Variants in CCDC88B observed in about 807,000 individuals in gnomAD.
CCDC88B encodes coiled-coil and HOOK domain protein 88B.
Under a neutral mutation model 183.7 loss-of-function variants are expected in CCDC88B, and 138 were observed. The ratio of observed to expected loss-of-function variants is 0.75; its 90% CI spans 0.65 to 0.87. The LOEUF (loss-of-function observed/expected upper bound fraction) is 0.87. Ranked by LOEUF, CCDC88B falls within the 40% of genes least tolerant of loss-of-function variation. The pLI is 0.00. For synonymous variants in CCDC88B, 835 were observed against 867.5 expected (o/e 0.96, Z 0.66); for missense variants, 1,822 against 1,965.6 (o/e 0.93, Z 1.38).
Position 64,340,213 on chromosome 11 carries a change from T to G in CCDC88B, c.-54T>G. On this transcript the variant is annotated 5_prime_UTR_variant, in exon 1 of 27. Coordinates refer to ENST00000356786, the MANE Select transcript of CCDC88B (RefSeq NM_032251.6). ...GGATCCCCCACTCGGGGACTTCCTC[T>G]TCCTCTCAGGGCAGGTGCAGCTGCC... The G allele has an allele frequency of 8.6e-7, 1 of 1,166,686 alleles. No homozygotes were observed. The highest frequency in any genetic ancestry group is 1.1e-6 in the Non-Finnish European group (1 of 906,420). 72.3% of individuals were successfully genotyped at this position (1,166,686 alleles called of 1,614,324 possible). A position where few individuals can be genotyped will look rare whatever the true frequency, so the allele number is the denominator to read the frequency against.
intron 14 of CCDC88B, among the ~76,000 whole-genome samples, chr11:64,347,877 C>T (rs2036173394): frequency 6.6e-6 from 1 of 151,970 alleles, no homozygotes; most frequent in Admixed American, 6.6e-5. Flanking sequence ...ATGGCAAAAC[C>T]CCAACTCTAC....
At chr11:64,355,770 C>T (rs1252658323) in intron 26 of CCDC88B, 142 bp downstream of exon 26, 28 of 730,908 alleles carry the variant, frequency 3.8e-5, no homozygotes, top group Admixed American at 1.7e-4. Flanking sequence ...CAGCAGGGAA[C>T]GTTCTGGTGT....
chr11:64,350,711 A>C (rs1199047), intron 16 of CCDC88B: 57,516 of 151,930 alleles, frequency 0.38, 10,939 homozygotes, highest in South Asian at 0.44. Flanking sequence ...AACAAAAAAA[A>C]CCCTAAAAAT....
chr11:64,342,423 C>T, intron 9 of CCDC88B, 48 bp downstream of exon 9: 1 of 1,548,702 alleles, frequency 6.5e-7, no homozygotes, highest in Non-Finnish European at 8.7e-7. Flanking sequence ...AACCTCCCCG[C>T]ACCCGGTCCC....
rs570051229 is a variant in CCDC88B, at chr11:64,355,217, C to T, written c.4123C>T (p.Arg1375Cys). Reference sequence around the variant, plus strand: ...AGGGTCCCCTTCCCCGGCACCCATGCGCCGGGCCCAGAGCTCCCTCTGCCT... The same window carrying T: ...AGGGTCCCCTTCCCCGGCACCCATGTGCCGGGCCCAGAGCTCCCTCTGCCT... ...GTGSPSPAPMRRAQSSLCLRD... is the reference protein window; with the variant it reads ...GTGSPSPAPMCRAQSSLCLRD... The change falls in exon 25 of 27, where the codon CGC becomes TGC. Residue 1375 changes from arginine to cysteine, a missense_variant. By Grantham distance (180) the Arg-to-Cys change is radical (BLOSUM62 -3). Coordinates refer to ENST00000356786, the MANE Select transcript of CCDC88B (RefSeq NM_032251.6). 2.0e-6 allele frequency: 3 copies of T among 1,503,382 alleles called. No homozygotes were observed. The highest frequency in any genetic ancestry group is 1.4e-5 in the South Asian group (1 of 72,488). 93.1% of individuals were successfully genotyped at this position (1,503,382 alleles called of 1,614,324 possible).
Position 64,343,865 on chromosome 11 carries a change from G to A in CCDC88B, c.1406G>A (p.Arg469Gln), listed in dbSNP as rs149881528. The stretch of plus-strand genomic sequence containing the variant: ...CTTCGGACCCTTGAGAGGGAGAACC[G>A]GGAGCTTCGGGGGCTGCTTCAGGTG... ...GRLRTLERENRELRGLLQVLQ... is the reference protein window; with the variant it reads ...GRLRTLERENQELRGLLQVLQ... Residue 469 changes from arginine (R) to glutamine (Q), a missense_variant, in exon 13 of 27, where the codon CGG becomes CAG. Transcript: ENST00000356786. The A allele has an allele frequency of 2.9e-4, 466 of 1,604,938 alleles. 3 individuals are homozygous for A. The East Asian group carries it at 4.6e-3, about 16-fold the overall frequency.
In CCDC88B at chr11:64,353,411, C is replaced by G. The variant is rs868833677; in HGVS notation, c.3748C>G (p.Gln1250Glu). 3 of 1,613,338 alleles carry G rather than the reference C, an allele frequency of 1.9e-6. No individual in the cohort carries two copies. Among genetic ancestry groups the G allele is most frequent in the Non-Finnish European group, 2.5e-6 (3 of 1,179,988 alleles). ...EENRQLLAEV[Q>E]ALSRENRELL... The stretch of plus-strand genomic sequence containing the variant: ...GAACCGGCAGCTGCTGGCTGAAGTT[C>G]AGGCCCTGAGCCGGGAGAACAGGGA... Residue 1250 changes from glutamine (Q) to glutamate (E), a missense_variant, in exon 22 of 27, where the codon CAG becomes GAG. Gln to Glu is a conservative substitution (Grantham distance 29). Transcript: ENST00000356786.
chr11:64,345,113 G>A lies in CCDC88B; in HGVS notation c.2572G>A (p.Glu858Lys), dbSNP rs776811587. ...VLESEGRQHLEEAERERREKE... is the reference protein window; with the variant it reads ...VLESEGRQHLKEAERERREKE... ...GGAGAGCGAGGGCCGCCAGCACTTG[G>A]AGGAGGCTGAGAGGGAGCGCCGGGA... Residue 858 changes from glutamate to lysine, a missense_variant, in exon 14 of 27, where the codon GAG (glutamate) becomes AAG (lysine). Glu to Lys is a moderately conservative substitution (Grantham distance 56). Transcript: ENST00000356786. The A allele has an allele frequency of 1.3e-6, 2 of 1,550,618 alleles. No homozygotes were observed. The highest frequency in any genetic ancestry group is 1.7e-6 in the Non-Finnish European group (2 of 1,152,122).
At chr11:64,352,662 CG>C in intron 19 of CCDC88B, 81 bp from the exon 20 acceptor site, 6 of 1,581,536 alleles carry the variant, frequency 3.8e-6, no homozygotes, top group Non-Finnish European at 5.2e-6. Context: ...CAGACCCCCC[CG>C]CCCCGGGTCC....
At position 64,340,262 on chromosome 11, in the gene CCDC88B, C is replaced by T. The variant is rs754392341; in HGVS notation, c.-5C>T. ...CCACAGTGAGACGGGCACCCCGACC[C>T]GGGCATGGAGGGGGGCAAGGGGCCC... On this transcript the variant is annotated 5_prime_UTR_variant, in exon 1 of 27. Transcript: ENST00000356786. The T allele has an allele frequency of 6.3e-6, 8 of 1,268,134 alleles. No homozygotes were observed. The highest frequency in any genetic ancestry group is 7.9e-5 in the Admixed American group (2 of 25,296). The allele number at this position is 1,268,134 out of a possible 1,614,324, so 78.6% of individuals were successfully genotyped here. A position where few individuals can be genotyped will look rare whatever the true frequency, so the allele number is the denominator to read the frequency against.
rs1227943182 is a variant in CCDC88B at position 64,344,821 on chromosome 11, G to A, written c.2280G>A (p.Thr760=). ...CCCGCAAGCTGGAGGCCCAAAACAC[G>A]GAGGCTGCCCGCCTCTCCAAGGAGC... ...AQARKLEAQN[T]EAARLSKELA... The change falls in exon 14 of 27, where the codon ACG becomes ACA. Residue 760 remains threonine (T), a synonymous_variant. Transcript: ENST00000356786. This position sits in a 1 kb window ranked among gnomAD's most constrained non-coding sequence, Gnocchi z 4.5. 2.5e-6 allele frequency: 4 copies of A among 1,607,824 alleles called. No individual in the cohort carries two copies. The highest frequency in any genetic ancestry group is 2.2e-5 in the East Asian group (1 of 44,622).
chr11:64,353,035 G>T lies in CCDC88B; in HGVS notation c.3501-19G>T. ...GGGGACCCAGGTCCCTTGGAGAGCAGCTCTCCTTGCCTCCCAAGGGCTCAG... is the reference window on the plus strand; with the variant it reads ...GGGGACCCAGGTCCCTTGGAGAGCATCTCTCCTTGCCTCCCAAGGGCTCAG... On this transcript the variant is annotated intron_variant, in intron 20 of 26. Transcript: ENST00000356786. The T allele has an allele frequency of 6.4e-7, 1 of 1,570,634 alleles. No homozygotes were observed. Among genetic ancestry groups the T allele is most frequent in the Non-Finnish European group, 8.6e-7 (1 of 1,157,390 alleles).
At chr11:64,342,741 G>A in intron 10 of CCDC88B, 61 bp downstream of exon 10, 1 of 1,434,082 alleles carries the variant, frequency 7.0e-7, no homozygotes, top group Non-Finnish European at 9.1e-7. Flanking sequence ...AGGAGGAGGG[G>A]CGAGATTGGG....
In CCDC88B at chr11:64,343,629, C is replaced by A; in HGVS notation, c.1318+14C>A. The A allele has an allele frequency of 6.5e-7, 1 of 1,550,226 alleles. No homozygotes were observed. The highest frequency in any genetic ancestry group is 8.7e-7 in the Non-Finnish European group (1 of 1,146,162). The stretch of plus-strand genomic sequence containing the variant: ...CCCCTGGGGAGGGTGAGGGACCCCA[C>A]TGGAAGGGCTGGGGTGGGGGCTTCC... On this transcript the variant is annotated intron_variant, in intron 12 of 26. Coordinates refer to ENST00000356786, the MANE Select transcript of CCDC88B (RefSeq NM_032251.6).
Position 64,344,987 on chromosome 11 carries a change from G to A in CCDC88B, c.2446G>A (p.Glu816Lys). The A allele has an allele frequency of 1.3e-6, 2 of 1,548,132 alleles. No individual in the cohort carries two copies. Among genetic ancestry groups the A allele is most frequent in the Non-Finnish European group, 1.7e-6 (2 of 1,148,080 alleles). Residue 816 changes from glutamate to lysine, a missense_variant, in exon 14 of 27, where the codon GAG becomes AAG. Coordinates refer to ENST00000356786, the MANE Select transcript of CCDC88B (RefSeq NM_032251.6). The surrounding 1 kb of genome is among the most constrained non-coding windows in gnomAD (Gnocchi z 4.5). ...GTCCCAGGAACGGGAGGCGCTGGTG[G>A]AGGCGCTGGCAGCAGCGGGCCGGGA... The part of the protein sequence containing the change: ...SASQEREALV[E>K]ALAAAGRERR...
At chr11:64,343,108 A>G in intron 10 of CCDC88B, 71 bp from the exon 11 acceptor site, 1 of 1,445,172 alleles carries the variant, frequency 6.9e-7, no homozygotes, top group Non-Finnish European at 9.1e-7. Context: ...GAGGGGAAGG[A>G]GTTTGGGACC....
Position 64,344,282 on chromosome 11 carries a change from TCTCCTGTGGAGACA to T in CCDC88B, c.1743_1756del (p.Pro582GlyfsTer9). On this transcript the variant is annotated frameshift_variant, in exon 14 of 27. Coordinates refer to ENST00000356786, the MANE Select transcript of CCDC88B (RefSeq NM_032251.6). LOFTEE classifies it high-confidence loss of function. This position sits in a 1 kb window ranked among gnomAD's most constrained non-coding sequence, Gnocchi z 4.5. ...AGACTGGTCCCCGCAAGAGTCAGGC[TCTCCTGTGGAGACA>T]CAGGAGTCCCCGGAGAAGGCTGGCC... The T allele has an allele frequency of 6.2e-7, 1 of 1,613,536 alleles. No homozygotes were observed. Among genetic ancestry groups the T allele is most frequent in the Non-Finnish European group, 8.5e-7 (1 of 1,179,924 alleles).
At chr11:64,355,136 C>A in intron 24 of CCDC88B, 58 bp from the exon 25 acceptor site, 3 of 1,257,848 alleles carry the variant, frequency 2.4e-6, no homozygotes, top group Non-Finnish European at 3.1e-6. Context: ...CTCCTCCCTA[C>A]AGGAGCCTCA....
rs1212268354 is a variant in CCDC88B at position 64,341,295 on chromosome 11, CG to C, written c.415del (p.Val139PhefsTer40). 6.2e-7 allele frequency: 1 copy of C among 1,614,080 alleles called. No individual in the cohort carries two copies. The highest frequency in any genetic ancestry group is 1.1e-5 in the South Asian group (1 of 91,074). ...AAGAAGCGGTGGAGCAGCTGGAAGG[CG>C]TTCTTCGGCTACTGTTGGGAGCGTC... The part of the protein sequence containing the change: ...SEEAVEQLEG[V>X]LRLLLGASVQ... On this transcript the variant is annotated frameshift_variant, in exon 5 of 27. Transcript: ENST00000356786. LOFTEE classifies it high-confidence loss of function.
Sources: gnomAD v4.1 joint callset for allele counts (sites outside exome capture counted in the v4.1 genomes callset) on GRCh38, gnomAD v4.1.1 for gene constraint, Gnocchi (gnomAD v3.1) non-coding constraint, MANE v1.5 for transcripts, NCBI Gene and HGNC (gene_info 2026-07-23, HGNC 2026-07-21) for gene names.